PTPRD: variants seen among roughly 807,000 people sequenced by gnomAD.
The protein encoded by PTPRD is protein tyrosine phosphatase receptor type D, also known as receptor-type tyrosine-protein phosphatase delta.
A neutral mutation model predicts 214.5 loss-of-function variants in PTPRD; 34 were observed. The ratio of observed to expected loss-of-function variants is 0.16; its 90% CI spans 0.12 to 0.21. The LOEUF is 0.21. Ranked by LOEUF, PTPRD falls within the 10% of genes least tolerant of loss-of-function variation. The pLI is 1.00. For synonymous variants in PTPRD, 1,128 were observed against 845.7 expected (o/e 1.33, Z -5.79); for missense variants, 2,545 against 2,398.7 (o/e 1.06, Z -1.27).
At chr9:10,475,127 C>T (rs1425348468) in intron 2 of PTPRD, among the ~76,000 whole-genome samples, 3 of 151,984 alleles carry the variant, frequency 2.0e-5, no homozygotes, top group Non-Finnish European at 4.4e-5. Context: ...CAAGAAATAA[C>T]TAAGATTAGA....
intron 3 of PTPRD, among the ~76,000 whole-genome samples, chr9:10,139,388 TA>T (rs1377374393): frequency 6.6e-6 from 1 of 151,628 alleles, no homozygotes; most frequent in Non-Finnish European, 1.5e-5. Context: ...ATGATACAAA[TA>T]AATGGAAAAA....
At chr9:8,456,487 G>C (rs922479582) in intron 33 of PTPRD, among the ~76,000 whole-genome samples, 1 of 152,056 alleles carries the variant, frequency 6.6e-6, no homozygotes, top group East Asian at 1.9e-4. Context: ...ACCTAGGGAG[G>C]GCCTACTCAG....
At chr9:8,653,438 T>C (rs1351127898) in intron 12 of PTPRD, among the ~76,000 whole-genome samples, 1 of 152,146 alleles carries the variant, frequency 6.6e-6, no homozygotes, top group African/African-American at 2.4e-5. Flanking sequence ...GGTTCTGCCA[T>C]CCTTCACTAC....
intron 8 of PTPRD, among the ~76,000 whole-genome samples, chr9:9,514,600 A>G (rs1424493534): frequency 6.6e-6 from 1 of 152,056 alleles, no homozygotes; most frequent in Non-Finnish European, 1.5e-5. Flanking sequence ...CTTATACTCC[A>G]TTTTTAGAAG....
intron 5 of PTPRD, among the ~76,000 whole-genome samples, chr9:9,825,314 G>A (rs569843813): frequency 6.6e-6 from 1 of 151,180 alleles, no homozygotes; most frequent in African/African-American, 2.4e-5. Flanking sequence ...TAGGAAGAAA[G>A]AGAAAGAAAG....
chr9:10,277,333 C>T (rs772897355), intron 3 of PTPRD, among the ~76,000 whole-genome samples: 1 of 151,704 alleles, frequency 6.6e-6, no homozygotes, highest in Non-Finnish European at 1.5e-5. Context: ...ATCCATTTTC[C>T]TTACTTATTT....
chr9:10,458,605 T>A (rs1285291216), intron 2 of PTPRD, among the ~76,000 whole-genome samples: 2 of 152,194 alleles, frequency 1.3e-5, no homozygotes, highest in Non-Finnish European at 2.9e-5. Context: ...GGGGAGAAAC[T>A]GAAAGCTTTT....
chr9:9,019,346 AAGAAAGAAAG>A (rs1320317040), intron 10 of PTPRD, among the ~76,000 whole-genome samples: 28 of 134,316 alleles, frequency 2.1e-4, no homozygotes, highest in Non-Finnish European at 3.9e-4. Flanking sequence ...GAACGAAAGA[AAGAAAGAAAG>A]AAAGAATCTG....
chr9:8,391,978 AG>A (rs142171886), intron 36 of PTPRD, among the ~76,000 whole-genome samples: 12,275 of 152,178 alleles, frequency 0.081, 885 homozygotes, highest in African/African-American at 0.19. Context: ...TTTAACAAGG[AG>A]GGGGTAGGCT....
At chr9:9,807,421 C>G (rs1444844069) in intron 5 of PTPRD, among the ~76,000 whole-genome samples, 1 of 152,066 alleles carries the variant, frequency 6.6e-6, no homozygotes, top group East Asian at 1.9e-4. Flanking sequence ...TTATGGTTAT[C>G]AAACAAGATG....
intron 8 of PTPRD, among the ~76,000 whole-genome samples, chr9:9,536,879 A>G (rs1023643128): frequency 7.2e-5 from 11 of 152,030 alleles, no homozygotes; most frequent in African/African-American, 2.7e-4. Context: ...AAAGTTTGGC[A>G]TATCCTTTTC....
chr9:8,799,706 C>A (rs979235596), intron 11 of PTPRD, among the ~76,000 whole-genome samples: 9 of 152,076 alleles, frequency 5.9e-5, no homozygotes, highest in Non-Finnish European at 1.3e-4. Flanking sequence ...ATTAACTTTT[C>A]TTTTATGAAA....
chr9:9,806,507 C>T (rs2099074230), intron 5 of PTPRD, among the ~76,000 whole-genome samples: 1 of 152,078 alleles, frequency 6.6e-6, no homozygotes, highest in Non-Finnish European at 1.5e-5. Flanking sequence ...ATTCTCCCAG[C>T]CCTTGAGAAT....
At chr9:9,390,924 G>C (rs1312860284) in intron 9 of PTPRD, among the ~76,000 whole-genome samples, 1 of 152,154 alleles carries the variant, frequency 6.6e-6, no homozygotes, top group East Asian at 1.9e-4. Context: ...TGTTGTCATT[G>C]ATAACAAGAT....
intron 4 of PTPRD, among the ~76,000 whole-genome samples, chr9:9,966,341 G>A (rs1040970097): frequency 1.3e-5 from 2 of 152,064 alleles, no homozygotes; most frequent in Non-Finnish European, 2.9e-5. Context: ...CATAGACCTC[G>A]TGATTATTTT....
At chr9:9,143,590 A>G (rs2154482025) in intron 10 of PTPRD, among the ~76,000 whole-genome samples, 1 of 152,242 alleles carries the variant, frequency 6.6e-6, no homozygotes, top group East Asian at 1.9e-4. Context: ...TAATGGCATA[A>G]TTAACAGTCA....
intron 8 of PTPRD, among the ~76,000 whole-genome samples, chr9:9,551,125 T>G (rs1361795042): frequency 6.6e-6 from 1 of 151,888 alleles, no homozygotes; most frequent in Non-Finnish European, 1.5e-5. Flanking sequence ...AATAAGAACT[T>G]ATGTTCACCC....
chr9:9,527,255 TAA>T (rs2074342875), intron 8 of PTPRD, among the ~76,000 whole-genome samples: 1 of 152,214 alleles, frequency 6.6e-6, no homozygotes, highest in Admixed American at 6.5e-5. Flanking sequence ...GTATCACCTA[TAA>T]GTGTCTGTTG....
At chr9:9,253,920 G>A (rs1451950360) in intron 9 of PTPRD, among the ~76,000 whole-genome samples, 1 of 152,092 alleles carries the variant, frequency 6.6e-6, no homozygotes. Context: ...TTTGCTCTGT[G>A]CCTAGTTCAG....
Sources: allele counts gnomAD v4.1 joint callset (sites outside exome capture counted in the v4.1 genomes callset), GRCh38; gene constraint gnomAD v4.1.1; transcripts MANE v1.5; gene names NCBI Gene and HGNC (gene_info 2026-07-23, HGNC 2026-07-21).